The following AGBL4 variants were observed in gnomAD, a reference collection of about 807,000 sequenced individuals.
AGBL4 encodes AGBL carboxypeptidase 4, also known as cytosolic carboxypeptidase 6.
Under a neutral mutation model 66.4 loss-of-function variants are expected in AGBL4, and 58 were observed. The ratio of observed to expected loss-of-function variants is 0.87; its 90% CI spans 0.71 to 1.09. AGBL4 has a LOEUF of 1.09. AGBL4 is among the 50% of genes least tolerant of loss of function. The probability of loss-of-function intolerance (pLI) is 0.00; values close to 1 mark genes in which losing one functional copy is unlikely to be tolerated. For missense variants in AGBL4, 579 were observed against 631.0 expected, an observed-to-expected ratio of 0.92 and a Z score of 0.88; for synonymous variants, 234 against 222.9, an observed-to-expected ratio of 1.05 and a Z score of -0.44.
At chr1:48,851,066 A>T (rs1647021450) in intron 6 of AGBL4, among the ~76,000 whole-genome samples, 1 of 152,210 alleles carries the variant, frequency 6.6e-6, no homozygotes, top group Admixed American at 6.5e-5. Flanking sequence ...TGCTATATGA[A>T]AACCACTTGT....
At chr1:49,550,509 C>A (rs1355671179) in intron 3 of AGBL4, among the ~76,000 whole-genome samples, 1 of 152,174 alleles carries the variant, frequency 6.6e-6, no homozygotes, top group African/African-American at 2.4e-5. Context: ...GTGGCGAATT[C>A]TCTCAGTATT....
intron 1 of AGBL4, among the ~76,000 whole-genome samples, chr1:49,934,515 A>G (rs1321125488): frequency 6.6e-6 from 1 of 152,194 alleles, no homozygotes; most frequent in Non-Finnish European, 1.5e-5. Context: ...AAGTTGAAAG[A>G]TTCACGATTA....
intron 3 of AGBL4, among the ~76,000 whole-genome samples, chr1:49,268,599 CT>C (rs1643983494): frequency 6.6e-6 from 1 of 151,996 alleles, no homozygotes; most frequent in African/African-American, 2.4e-5. Flanking sequence ...CTTTGCCTTC[CT>C]TTTAAAAATT....
intron 2 of AGBL4, among the ~76,000 whole-genome samples, chr1:49,834,798 C>G (rs534366533): frequency 1.8e-4 from 27 of 152,198 alleles, no homozygotes; most frequent in Admixed American, 2.0e-4. Flanking sequence ...TTTCAAAGAA[C>G]TTATTTATTT....
rs190148911 is a variant in AGBL4, at chr1:48,656,808, G to A, written c.725-3357C>T. ...CAGACACCAAGAGAACCATAAACCC[G>A]GGATTCATAAAGAGGGGCAGGAGGG... On this transcript the variant is annotated intron_variant, in intron 7 of 13. Transcript: ENST00000371839. Among the ~76,000 whole-genome samples, 44 of 152,156 alleles carry A rather than the reference G, an allele frequency of 2.9e-4. 1 individual carries two copies. Among genetic ancestry groups the A allele is most frequent in the African/African-American group, 1.0e-3 (43 of 41,508 alleles).
chr1:49,530,272 A>C (rs1570959107), intron 3 of AGBL4, among the ~76,000 whole-genome samples: 2 of 141,986 alleles, frequency 1.4e-5, no homozygotes, highest in Admixed American at 6.9e-5. Context: ...AAAAAAAAAA[A>C]CAAAAAAAAA....
intron 1 of AGBL4, among the ~76,000 whole-genome samples, chr1:50,001,750 T>C (rs143770281): frequency 1.2e-3 from 189 of 152,290 alleles, no homozygotes; most frequent in African/African-American, 4.4e-3. Context: ...GGCCCAGTTT[T>C]ACCAAATCAC....
intron 6 of AGBL4, among the ~76,000 whole-genome samples, chr1:48,814,237 T>C (rs566236585): frequency 1.3e-5 from 2 of 152,308 alleles, no homozygotes; most frequent in Non-Finnish European, 2.9e-5. Flanking sequence ...ACCTCACTGG[T>C]GTAATTTACT....
chr1:49,955,696 T>C (rs1656543405), intron 1 of AGBL4, among the ~76,000 whole-genome samples: 2 of 151,874 alleles, frequency 1.3e-5, no homozygotes, highest in African/African-American at 4.8e-5. Context: ...CTAAGGGCAA[T>C]TCTGGGTAGT....
chr1:48,712,867 C>T (rs1646990095), intron 6 of AGBL4, among the ~76,000 whole-genome samples: 1 of 152,198 alleles, frequency 6.6e-6, no homozygotes, highest in Non-Finnish European at 1.5e-5. Context: ...AACAGGAGTG[C>T]ACATGAGAGA....
chr1:48,959,241 C>T (rs1657753905), intron 5 of AGBL4, among the ~76,000 whole-genome samples: 1 of 152,120 alleles, frequency 6.6e-6, no homozygotes, highest in Admixed American at 6.5e-5. Context: ...ATTATAATAC[C>T]TACTTTTCAT....
At chr1:49,575,388 T>C (rs1252063504) in intron 3 of AGBL4, among the ~76,000 whole-genome samples, 1 of 152,146 alleles carries the variant, frequency 6.6e-6, no homozygotes, top group African/African-American at 2.4e-5. Flanking sequence ...GCTCCCTGAC[T>C]GGTAGGGTAA....
intron 3 of AGBL4, among the ~76,000 whole-genome samples, chr1:49,343,527 AC>A (rs1304426191): frequency 6.6e-6 from 1 of 152,208 alleles, no homozygotes; most frequent in Non-Finnish European, 1.5e-5. Context: ...AAACTCCCCC[AC>A]CACCAGAGGT....
chr1:48,641,765 A>G (rs898360465), intron 8 of AGBL4, among the ~76,000 whole-genome samples: 1 of 152,162 alleles, frequency 6.6e-6, no homozygotes, highest in African/African-American at 2.4e-5. Context: ...TGACAGAGGC[A>G]GAGCTTGAAC....
At chr1:49,734,422 C>T (rs114103891) in intron 2 of AGBL4, among the ~76,000 whole-genome samples, 61 of 151,974 alleles carry the variant, frequency 4.0e-4, no homozygotes, top group African/African-American at 1.2e-3. Context: ...AGAAAAAGTA[C>T]GGAGACTAAT....
At chr1:49,109,777 G>A (rs114220138) in intron 4 of AGBL4, among the ~76,000 whole-genome samples, 106 of 151,664 alleles carry the variant, frequency 7.0e-4, no homozygotes, top group Middle Eastern at 3.4e-3. Context: ...ACCTTTCCCC[G>A]TCCACTTTCA....
At chr1:48,714,597 C>T (rs1570330444) in intron 6 of AGBL4, among the ~76,000 whole-genome samples, 1 of 152,378 alleles carries the variant, frequency 6.6e-6, no homozygotes, top group East Asian at 1.9e-4. Flanking sequence ...AGTCTCACCC[C>T]TTCCCATTCA....
intron 3 of AGBL4, among the ~76,000 whole-genome samples, chr1:49,492,141 T>C (rs529082662): frequency 1.3e-5 from 2 of 151,984 alleles, no homozygotes; most frequent in South Asian, 4.2e-4. Flanking sequence ...GGCATAGGCA[T>C]TATGACATAA....
At chr1:48,779,789 C>G (rs1645248155) in intron 6 of AGBL4, among the ~76,000 whole-genome samples, 3 of 151,206 alleles carry the variant, frequency 2.0e-5, no homozygotes, top group Admixed American at 6.6e-5. Context: ...TCTCGGCTCA[C>G]TGCCACTTCC....
Sources: gnomAD v4.1 joint callset for allele counts (sites outside exome capture counted in the v4.1 genomes callset) on GRCh38, gnomAD v4.1.1 for gene constraint, MANE v1.5 for transcripts, NCBI Gene and HGNC (gene_info 2026-07-23, HGNC 2026-07-21) for gene names.